Variants in SV2C observed in about 807,000 individuals in gnomAD.
SV2C encodes the protein solute carrier family 22 member B3.
SV2C carries 49 observed loss-of-function variants against 79.7 expected under a neutral mutation model. That is an observed-to-expected ratio of 0.61 (90% confidence interval 0.49 to 0.78). The LOEUF (loss-of-function observed/expected upper bound fraction) is 0.78, where lower values mean the gene tolerates loss of function less well. Among genes scored for constraint, SV2C ranks in the 30% least tolerant of loss-of-function variants. The pLI, the probability that SV2C is intolerant of heterozygous loss-of-function variation, is 0.00. For missense variants in SV2C, 833 were observed against 912.9 expected (o/e 0.91, Z 1.13); for synonymous variants, 334 against 333.2 (o/e 1.00, Z -0.03).
At chr5:76,001,243 A>G in the SV2C span, among the ~76,000 whole-genome samples, 1 of 152,272 alleles carries the variant, frequency 6.6e-6, no homozygotes, top group South Asian at 2.1e-4. Flanking sequence ...CAGGGAGCAG[A>G]GGGTGGCTCA....
the SV2C span, chr5:75,911,737 G>T: frequency 1.6e-6 from 1 of 639,996 alleles, no homozygotes; most frequent in Non-Finnish European, 3.0e-6. Flanking sequence ...CAAGAAAGAG[G>T]ATAATAAGCT....
At chr5:76,274,698 C>A (rs201005190) in intron 4 of SV2C, among the ~76,000 whole-genome samples, 34 of 93,500 alleles carry the variant, frequency 3.6e-4, no homozygotes, top group African/African-American at 7.2e-4. Flanking sequence ...TTTTTTTTTT[C>A]TTTTTACAAA....
chr5:75,985,016 T>TAAAGG, the SV2C span, among the ~76,000 whole-genome samples: 3 of 151,998 alleles, frequency 2.0e-5, no homozygotes, highest in Admixed American at 1.3e-4. Flanking sequence ...GGGTGATTTA[T>TAAAGG]AAAGGAAAGG....
At chr5:76,049,023 G>GAAAGAAAGAA in the SV2C span, among the ~76,000 whole-genome samples, 65 of 82,632 alleles carry the variant, frequency 7.9e-4, 1 homozygote, top group African/African-American at 2.7e-3. Context: ...AAGAAAGAAA[G>GAAAGAAAGAA]AAAAAGAAAA....
rs1426311907 is a variant in SV2C, at chr5:76,329,690, AATAG to A, written c.*4149_*4152del. On this transcript the variant is annotated 3_prime_UTR_variant, in exon 13 of 13. Coordinates refer to ENST00000502798, the MANE Select transcript of SV2C (RefSeq NM_014979.4). ...CTTTCTGATTCCCTCTGCCAATCAAAATAGATAGAATATGATATTCTCCAATTTT... is the reference window on the plus strand; with the variant it reads ...CTTTCTGATTCCCTCTGCCAATCAAAATAGAATATGATATTCTCCAATTTT... 3.3e-5 allele frequency: 5 copies of A among 152,138 alleles called. No individual in the cohort carries two copies. The highest frequency in any genetic ancestry group is 4.1e-4 in the South Asian group (2 of 4,826). 9.4% of individuals were successfully genotyped at this position (152,138 alleles called of 1,614,324 possible).
At chr5:75,924,670 G>A in the SV2C span, among the ~76,000 whole-genome samples, 1 of 152,030 alleles carries the variant, frequency 6.6e-6, no homozygotes, top group Admixed American at 6.6e-5. Context: ...AACTCACTGG[G>A]CAAAGGTTGG....
chr5:76,048,523 T>C, the SV2C span, among the ~76,000 whole-genome samples: 5 of 152,136 alleles, frequency 3.3e-5, no homozygotes, highest in Non-Finnish European at 5.9e-5. Context: ...TATCTGGGCA[T>C]CTCTTAGCTC....
chr5:75,971,103 G>C, the SV2C span, among the ~76,000 whole-genome samples: 12 of 152,012 alleles, frequency 7.9e-5, no homozygotes, highest in Non-Finnish European at 1.2e-4. Flanking sequence ...ATGCAGAAAA[G>C]GCCTTTGACA....
At chr5:76,264,654 C>T (rs2112462493) in intron 4 of SV2C, among the ~76,000 whole-genome samples, 1 of 152,270 alleles carries the variant, frequency 6.6e-6, no homozygotes, top group East Asian at 1.9e-4. Flanking sequence ...GATGTTACTG[C>T]TGTCTGTTTG....
At chr5:76,183,226 T>C (rs925527802) in intron 2 of SV2C, among the ~76,000 whole-genome samples, 1 of 151,792 alleles carries the variant, frequency 6.6e-6, no homozygotes, top group East Asian at 1.9e-4. Context: ...GGTTTCACCA[T>C]GTTGGCCAGG....
the SV2C span, among the ~76,000 whole-genome samples, chr5:75,942,701 A>G: frequency 6.6e-6 from 1 of 152,182 alleles, no homozygotes; most frequent in Non-Finnish European, 1.5e-5. Context: ...TCATTATATC[A>G]TCTTGAGTTC....
At chr5:76,266,204 T>C (rs1746648831) in intron 4 of SV2C, among the ~76,000 whole-genome samples, 1 of 152,034 alleles carries the variant, frequency 6.6e-6, no homozygotes, top group Non-Finnish European at 1.5e-5. Flanking sequence ...GTTTATCCTT[T>C]TTTATTTTAT....
At chr5:76,250,195 C>T (rs1180137724) in intron 4 of SV2C, among the ~76,000 whole-genome samples, 1 of 138,632 alleles carries the variant, frequency 7.2e-6, no homozygotes, top group Admixed American at 7.4e-5. Context: ...TTTTATTGCG[C>T]GTCCTGCTTT....
At chr5:76,223,992 A>G (rs566510148) in intron 4 of SV2C, among the ~76,000 whole-genome samples, 2 of 152,144 alleles carry the variant, frequency 1.3e-5, no homozygotes, top group East Asian at 3.9e-4. Context: ...CTAGGGTCCC[A>G]CCCTTATGAG....
chr5:76,070,152 C>T, the SV2C span, among the ~76,000 whole-genome samples: 1 of 152,168 alleles, frequency 6.6e-6, no homozygotes, highest in Admixed American at 6.5e-5. Flanking sequence ...TTCTCTCATC[C>T]TGGAGAGGAG....
intron 2 of SV2C, among the ~76,000 whole-genome samples, chr5:76,133,093 T>C (rs1049122060): frequency 6.6e-6 from 1 of 152,186 alleles, no homozygotes; most frequent in Non-Finnish European, 1.5e-5. Flanking sequence ...AAGCTATAGT[T>C]AACACTCTCC....
At chr5:76,182,940 TGAGAGAGA>T (rs57093673) in intron 2 of SV2C, among the ~76,000 whole-genome samples, 2 of 145,232 alleles carry the variant, frequency 1.4e-5, no homozygotes, top group African/African-American at 2.6e-5. Flanking sequence ...TGTGTGTATG[TGAGAGAGA>T]GAGAGAGAGA....
At chr5:75,973,077 C>CA in the SV2C span, among the ~76,000 whole-genome samples, 4 of 151,244 alleles carry the variant, frequency 2.6e-5, no homozygotes, top group Admixed American at 6.6e-5. Flanking sequence ...ATTGCAAGGA[C>CA]AAAAAACCAA....
chr5:75,994,193 T>C, the SV2C span, among the ~76,000 whole-genome samples: 1 of 152,098 alleles, frequency 6.6e-6, no homozygotes, highest in Non-Finnish European at 1.5e-5. Flanking sequence ...ACGTAAATCA[T>C]GTCTATATGT....
Sources: allele counts gnomAD v4.1 joint callset (sites outside exome capture counted in the v4.1 genomes callset), GRCh38; gene constraint gnomAD v4.1.1; transcripts MANE v1.5; gene names NCBI Gene and HGNC (gene_info 2026-07-23, HGNC 2026-07-21).